The following CDC14B variants were observed in gnomAD, a reference collection of about 807,000 sequenced individuals.
CDC14B encodes the protein dual specificity protein phosphatase CDC14B.
A neutral mutation model predicts 64.2 loss-of-function variants in CDC14B; 22 were observed. The ratio of observed to expected loss-of-function variants is 0.34; its 90% CI spans 0.24 to 0.49. The LOEUF (loss-of-function observed/expected upper bound fraction) is 0.49. Ranked by LOEUF, CDC14B falls within the 20% of genes least tolerant of loss-of-function variation. The probability of loss-of-function intolerance (pLI) is 0.99; values close to 1 mark genes in which losing one functional copy is unlikely to be tolerated. For missense variants in CDC14B, 498 were observed against 629.9 expected (o/e 0.79, Z 2.24); for synonymous variants, 191 against 215.8 (o/e 0.89, Z 1.01).
chr9:96,499,710 A>G (rs1587704083), downstream of CDC14B, among the ~76,000 whole-genome samples: 1 of 152,236 alleles, frequency 6.6e-6, no homozygotes, highest in Non-Finnish European at 1.5e-5. Context: ...ATGTGGCTCT[A>G]TGTGGACATG....
At chr9:96,586,829 C>T (rs1845475726) in intron 1 of CDC14B, among the ~76,000 whole-genome samples, 1 of 151,890 alleles carries the variant, frequency 6.6e-6, no homozygotes. Flanking sequence ...TCTGCCATTC[C>T]CTATATTCTA....
intron 1 of CDC14B, among the ~76,000 whole-genome samples, chr9:96,597,339 C>A (rs1042308786): frequency 6.6e-6 from 1 of 151,758 alleles, no homozygotes; most frequent in African/African-American, 2.4e-5. Flanking sequence ...ACTAAAAATA[C>A]AAAAATTAGC....
chr9:96,538,441 C>T (rs962317691), intron 7 of CDC14B, among the ~76,000 whole-genome samples: 2 of 152,126 alleles, frequency 1.3e-5, no homozygotes, highest in African/African-American at 2.4e-5. Flanking sequence ...AAAACAGGGC[C>T]GTGCACAGTG....
chr9:96,560,236 C>G (rs1269489338), intron 4 of CDC14B, among the ~76,000 whole-genome samples: 1 of 152,158 alleles, frequency 6.6e-6, no homozygotes, highest in Non-Finnish European at 1.5e-5. Context: ...GTGGCCCGGT[C>G]TGGCCCCTCT....
At chr9:96,555,157 G>A (rs1842335321) in intron 4 of CDC14B, among the ~76,000 whole-genome samples, 1 of 152,188 alleles carries the variant, frequency 6.6e-6, no homozygotes, top group South Asian at 2.1e-4. Context: ...CCCTTGTGTG[G>A]TCCCCTCCCA....
At position 96,545,834 on chromosome 9, in the gene CDC14B, C is replaced by T. The variant is rs183849998; in HGVS notation, c.498-3942G>A. 9.9e-5 allele frequency among the ~76,000 whole-genome samples: 15 copies of T among 151,572 alleles called. No homozygotes were observed. In the East Asian group the frequency reaches 1.5e-3, roughly 16 times the overall value. On this transcript the variant is annotated intron_variant, in intron 5 of 13. Coordinates refer to ENST00000375241, the MANE Select transcript of CDC14B (RefSeq NM_033331.4). Reference sequence around the variant, plus strand: ...TCATACATCATAGAATCTGAATATACGACAAGAATCTTTGCTCACTCAAGT... The same window carrying T: ...TCATACATCATAGAATCTGAATATATGACAAGAATCTTTGCTCACTCAAGT...
chr9:96,566,913 G>A (rs563406659), intron 1 of CDC14B: 1 of 1,539,264 alleles, frequency 6.5e-7, no homozygotes, highest in South Asian at 1.2e-5. Flanking sequence ...AAAAAACAAA[G>A]TTTAAAGGGC....
chr9:96,507,968 C>T (rs1384815475), intron 13 of CDC14B, among the ~76,000 whole-genome samples: 2 of 151,880 alleles, frequency 1.3e-5, no homozygotes, highest in Non-Finnish European at 2.9e-5. Flanking sequence ...TATTTCTATA[C>T]ATATATAGTA....
At chr9:96,607,624 T>C (rs1157110979) in intron 1 of CDC14B, among the ~76,000 whole-genome samples, 3 of 151,886 alleles carry the variant, frequency 2.0e-5, no homozygotes, top group Non-Finnish European at 2.9e-5. Context: ...GGGGTTTCCC[T>C]GTGTTAGCCA....
intron 9 of CDC14B, among the ~76,000 whole-genome samples, chr9:96,526,577 T>C (rs1837599548): frequency 6.6e-6 from 1 of 152,174 alleles, no homozygotes; most frequent in Admixed American, 6.5e-5. Flanking sequence ...CCCCAGCAGA[T>C]TAATATACCT....
downstream of CDC14B, among the ~76,000 whole-genome samples, chr9:96,496,752 C>A (rs1390965270): frequency 6.6e-6 from 1 of 152,242 alleles, no homozygotes; most frequent in African/African-American, 2.4e-5. Context: ...GGGAGCCCGT[C>A]CCGCGCCCTC....
rs760553171 is a variant in CDC14B at position 96,600,664 on chromosome 9, G to A, written c.160+18555C>T. 2.4e-4 allele frequency among the ~76,000 whole-genome samples: 36 copies of A among 152,106 alleles called. No homozygotes were observed. In the East Asian group the frequency reaches 3.9e-3, roughly 16 times the overall value. ...ATAACAGGTGTGCGCCACCAAGCCCGGCTAATTTTTGTATTTTTAGTAGAG... is the reference window on the plus strand; with the variant it reads ...ATAACAGGTGTGCGCCACCAAGCCCAGCTAATTTTTGTATTTTTAGTAGAG... On this transcript the variant is annotated intron_variant, in intron 1 of 13. Coordinates refer to ENST00000375241, the MANE Select transcript of CDC14B (RefSeq NM_033331.4).
chr9:96,591,790 G>A (rs1845807353), intron 1 of CDC14B, among the ~76,000 whole-genome samples: 1 of 151,774 alleles, frequency 6.6e-6, no homozygotes, highest in Admixed American at 6.6e-5. Flanking sequence ...CTGTGGCCCA[G>A]GCTGGAGTGC....
At chr9:96,598,650 TAAAA>T (rs1367057212) in intron 1 of CDC14B, among the ~76,000 whole-genome samples, 1 of 151,844 alleles carries the variant, frequency 6.6e-6, no homozygotes, top group Non-Finnish European at 1.5e-5. Flanking sequence ...GTGAAGTCAT[TAAAA>T]AAAACTATTC....
intron 5 of CDC14B, 59 bp downstream of exon 5, chr9:96,551,737 C>T: frequency 6.3e-7 from 1 of 1,580,334 alleles, no homozygotes; most frequent in East Asian, 2.3e-5. Context: ...AAACAACTAT[C>T]AAGATATTTC....
chr9:96,616,163 T>C (rs1847611560), intron 1 of CDC14B, among the ~76,000 whole-genome samples: 1 of 151,926 alleles, frequency 6.6e-6, no homozygotes, highest in Admixed American at 6.6e-5. Flanking sequence ...CCATCTCTAC[T>C]AAAATTACAA....
At chr9:96,517,004 TCTTGAA>T (rs1417247541) in intron 12 of CDC14B, among the ~76,000 whole-genome samples, 6 of 151,646 alleles carry the variant, frequency 4.0e-5, no homozygotes, top group Non-Finnish European at 8.8e-5. Context: ...GTTAGGCTGG[TCTTGAA>T]CTCCTGACCT....
chr9:96,567,901 T>G (rs116339208), intron 1 of CDC14B, among the ~76,000 whole-genome samples: 1,741 of 152,336 alleles, frequency 0.011, 29 homozygotes, highest in African/African-American at 0.039. Flanking sequence ...GTGCATTGCC[T>G]GCCTGTATCA....
At chr9:96,596,464 A>C (rs1378829389) in intron 1 of CDC14B, among the ~76,000 whole-genome samples, 1 of 152,136 alleles carries the variant, frequency 6.6e-6, no homozygotes, top group Non-Finnish European at 1.5e-5. Flanking sequence ...GATGAAAAAT[A>C]CACTGGATAG....
Sources: gnomAD v4.1 joint callset for allele counts (sites outside exome capture counted in the v4.1 genomes callset) on GRCh38, gnomAD v4.1.1 for gene constraint, MANE v1.5 for transcripts, NCBI Gene and HGNC (gene_info 2026-07-23, HGNC 2026-07-21) for gene names.